The following TEKT5 variants were observed in gnomAD, a reference collection of about 807,000 sequenced individuals.
The protein encoded by TEKT5 is tektin 5, also known as tektin-5.
In TEKT5, 52 loss-of-function variants were observed where a neutral mutation model predicts 48.7. That is an observed-to-expected ratio of 1.07 (90% CI 0.86 to 1.35). The LOEUF (loss-of-function observed/expected upper bound fraction) is 1.35, where lower values mean the gene tolerates loss of function less well. Ranked by LOEUF, TEKT5 falls within the 40% of genes most tolerant of loss-of-function variation. The pLI, the probability that TEKT5 is intolerant of heterozygous loss-of-function variation, is 0.00. For synonymous variants in TEKT5, 318 were observed against 267.6 expected, an observed-to-expected ratio of 1.19 and a Z score of -1.84; for missense variants, 831 against 641.6, an observed-to-expected ratio of 1.30 and a Z score of -3.19.
At position 10,694,310 on chromosome 16, in the gene TEKT5, C is replaced by A; in HGVS notation, c.564G>T (p.Gln188His). The A allele has an allele frequency of 6.3e-7, 1 of 1,587,846 alleles. No individual in the cohort carries two copies. ...GCCCTGTCCCCACCCCTGTACTCACCTGCAATGGGCAGTTCACCTCATTGG... is the reference window on the plus strand; with the variant it reads ...GCCCTGTCCCCACCCCTGTACTCACATGCAATGGGCAGTTCACCTCATTGG... The part of the protein sequence containing the change: ...CAANEVNCPL[Q>H]VALECLYHRE... The change falls in exon 1 of 7, where the codon CAG becomes CAT. Residue 188 changes from glutamine (Q) to histidine (H), a missense_variant and splice_region_variant. Gln to His is a conservative substitution (Grantham distance 24, BLOSUM62 0). Transcript: ENST00000283025.
intron 4 of TEKT5, among the ~76,000 whole-genome samples, chr16:10,680,760 C>CA (rs1282454818): frequency 6.9e-6 from 1 of 145,918 alleles, no homozygotes; most frequent in Non-Finnish European, 1.5e-5. Flanking sequence ...ATCACAAGAA[C>CA]AAAAAACCAA....
chr16:10,686,698 T>C (rs774606271), intron 3 of TEKT5, among the ~76,000 whole-genome samples: 1 of 152,166 alleles, frequency 6.6e-6, no homozygotes, highest in Admixed American at 6.5e-5. Flanking sequence ...ATTTGCAAAC[T>C]ACACCTCTGA....
intron 5 of TEKT5, among the ~76,000 whole-genome samples, chr16:10,645,338 C>G (rs1294048625): frequency 6.6e-6 from 1 of 151,908 alleles, no homozygotes; most frequent in Non-Finnish European, 1.5e-5. Flanking sequence ...AGTGAAAACC[C>G]ATCTCTACAA....
chr16:10,680,066 C>T (rs1156265630), intron 4 of TEKT5, among the ~76,000 whole-genome samples: 1 of 152,216 alleles, frequency 6.6e-6, no homozygotes, highest in Non-Finnish European at 1.5e-5. Flanking sequence ...ATTGGAGGCT[C>T]TGGGGCTGCC....
chr16:10,689,139 T>C, intron 3 of TEKT5, 114 bp downstream of exon 3: 1 of 755,806 alleles, frequency 1.3e-6, no homozygotes, highest in Non-Finnish European at 2.1e-6. Flanking sequence ...AGCATACCAC[T>C]GACCAAAAGA....
Position 10,694,312 on chromosome 16 carries a change from G to T in TEKT5, c.562C>A (p.Gln188Lys). ...CCTGTCCCCACCCCTGTACTCACCT[G>T]CAATGGGCAGTTCACCTCATTGGCC... ...CAANEVNCPL[Q>K]VALECLYHRE... The change falls in exon 1 of 7, where the codon CAG becomes AAG. Residue 188 changes from glutamine (Q) to lysine (K), a missense_variant and splice_region_variant. Coordinates refer to ENST00000283025, the MANE Select transcript of TEKT5 (RefSeq NM_144674.2). 1 of 1,591,250 alleles carries T rather than the reference G, an allele frequency of 6.3e-7. No individual in the cohort carries two copies. Among genetic ancestry groups the T allele is most frequent in the South Asian group, 1.2e-5 (1 of 86,554 alleles).
In TEKT5 at chr16:10,694,749, G is replaced by C. The variant is rs753479766; in HGVS notation, c.125C>G (p.Pro42Arg). 3.7e-6 allele frequency: 6 copies of C among 1,614,028 alleles called. No individual in the cohort carries two copies. In the African/African-American group the frequency reaches 6.7e-5, roughly 18 times the overall value. Reference sequence around the variant, plus strand: ...CCATGAATTGAGGTAGCGGTACCCGGGCAGGTAGTAGGGCTGATAGCATTC... The same window carrying C: ...CCATGAATTGAGGTAGCGGTACCCGCGCAGGTAGTAGGGCTGATAGCATTC... ...IQECYQPYYL[P>R]GYRYLNSWRP... is the part of the protein sequence containing the mutation. Residue 42 changes from proline to arginine, a missense_variant, in exon 1 of 7, where the codon CCC (proline) becomes CGC (arginine). Pro to Arg is a moderately radical substitution (Grantham distance 103). Transcript: ENST00000283025.
At chr16:10,641,400 G>T (rs1897993322) in intron 5 of TEKT5, among the ~76,000 whole-genome samples, 1 of 152,070 alleles carries the variant, frequency 6.6e-6, no homozygotes, top group African/African-American at 2.4e-5. Context: ...CAGCCAAGAG[G>T]GGCCTGGTAT....
At chr16:10,659,215 A>G (rs949908433) in intron 5 of TEKT5, among the ~76,000 whole-genome samples, 2 of 152,222 alleles carry the variant, frequency 1.3e-5, no homozygotes, top group African/African-American at 4.8e-5. Context: ...ACATGTGCGC[A>G]CACACGTAAA....
intron 5 of TEKT5, among the ~76,000 whole-genome samples, chr16:10,646,125 ACT>A (rs979309783): frequency 4.1e-4 from 61 of 149,526 alleles, no homozygotes; most frequent in African/African-American, 1.5e-3. Context: ...ACAGAGTAAG[ACT>A]CTGTCTCAAA....
At chr16:10,678,909 CTT>C (rs1898696319) in intron 4 of TEKT5, among the ~76,000 whole-genome samples, 1 of 152,166 alleles carries the variant, frequency 6.6e-6, no homozygotes. Flanking sequence ...TTTCTGGAGT[CTT>C]TGTTCTCTAA....
At chr16:10,679,790 A>C (rs960516737) in intron 4 of TEKT5, among the ~76,000 whole-genome samples, 32 of 151,476 alleles carry the variant, frequency 2.1e-4, no homozygotes, top group Admixed American at 2.0e-4. Flanking sequence ...CCAGCTACTC[A>C]GGAGGCTGAG....
rs572277672 is a variant in TEKT5 at position 10,652,451 on chromosome 16, AACACACAC to A, written c.1087-16541_1087-16534del. On this transcript the variant is annotated intron_variant, in intron 5 of 6. Transcript: ENST00000283025. ...CAGCAATCCCTTATATACACAGGCA[AACACACAC>A]ACACACACACACACACACACACACA... 9.4e-3 allele frequency among the ~76,000 whole-genome samples: 625 copies of A among 66,744 alleles called. 8 individuals are homozygous for A. The highest frequency in any genetic ancestry group is 0.037 in the African/African-American group (566 of 15,420). The allele number at this position is 66,744 out of a possible 152,430, so 43.8% of individuals were successfully genotyped here.
At chr16:10,689,821 C>G in intron 2 of TEKT5, 121 bp downstream of exon 2, 1 of 946,100 alleles carries the variant, frequency 1.1e-6, no homozygotes, top group Non-Finnish European at 1.6e-6. Flanking sequence ...TTCCTGAGCC[C>G]TCACTTTCCA....
intron 3 of TEKT5, among the ~76,000 whole-genome samples, chr16:10,686,788 A>G (rs967551558): frequency 1.3e-5 from 2 of 152,210 alleles, no homozygotes; most frequent in African/African-American, 4.8e-5. Context: ...AAATGGACAA[A>G]GTTATTGCGG....
intron 5 of TEKT5, among the ~76,000 whole-genome samples, chr16:10,664,631 C>A (rs893820833): frequency 6.6e-6 from 1 of 152,232 alleles, no homozygotes; most frequent in African/African-American, 2.4e-5. Flanking sequence ...CTGGGCAATT[C>A]CAATGTGGCA....
intron 5 of TEKT5, among the ~76,000 whole-genome samples, chr16:10,662,149 G>C (rs566392596): frequency 6.6e-6 from 1 of 152,288 alleles, no homozygotes; most frequent in Admixed American, 6.5e-5. Context: ...TGTGCACTGT[G>C]GGATGTTTGG....
chr16:10,662,834 A>C (rs868052431), intron 5 of TEKT5, among the ~76,000 whole-genome samples: 1 of 152,182 alleles, frequency 6.6e-6, no homozygotes. Flanking sequence ...CCTCATCTGT[A>C]AAACAGGTCT....
At chr16:10,639,582 G>T (rs1339428763) in intron 5 of TEKT5, among the ~76,000 whole-genome samples, 2 of 152,226 alleles carry the variant, frequency 1.3e-5, no homozygotes, top group African/African-American at 4.8e-5. Flanking sequence ...AGCTTTCCAA[G>T]AGTCCCTAGC....
Sources: allele counts gnomAD v4.1 joint callset (sites outside exome capture counted in the v4.1 genomes callset), GRCh38; gene constraint gnomAD v4.1.1; transcripts MANE v1.5; gene names NCBI Gene and HGNC (gene_info 2026-07-23, HGNC 2026-07-21).